GTPBP10: variants seen among roughly 807,000 people sequenced by gnomAD.
The protein encoded by GTPBP10 is GTP binding protein 10, also known as GTP-binding protein 10.
Under a neutral mutation model 44.8 loss-of-function variants are expected in GTPBP10, and 38 were observed. That is an observed-to-expected ratio of 0.85 (90% CI 0.65 to 1.11). The LOEUF (loss-of-function observed/expected upper bound fraction) is 1.11, where lower values mean the gene tolerates loss of function less well. GTPBP10 is among the 50% of genes most tolerant of loss of function. The pLI, the probability that GTPBP10 is intolerant of heterozygous loss-of-function variation, is 0.00. For missense variants in GTPBP10, 462 were observed against 453.7 expected, an observed-to-expected ratio of 1.02 and a Z score of -0.17; for synonymous variants, 152 against 150.6, an observed-to-expected ratio of 1.01 and a Z score of -0.07.
intron 8 of GTPBP10, 111 bp downstream of exon 8, chr7:90,378,322 T>A: frequency 7.7e-7 from 1 of 1,296,384 alleles, no homozygotes; most frequent in Non-Finnish European, 1.0e-6. Flanking sequence ...AAAGCTTTGA[T>A]GTCAGTTAAA....
rs778593404 is a variant in GTPBP10 at position 90,354,410 on chromosome 7, A to G, written c.228-48A>G. ...ATTTTGTGTGTATGTGTGTGTGTGT[A>G]TATATACACACACACATACATACAT... On this transcript the variant is annotated intron_variant, in intron 2 of 9. Coordinates refer to ENST00000222511, the MANE Select transcript of GTPBP10 (RefSeq NM_033107.4). 3.2e-5 allele frequency: 27 copies of G among 857,028 alleles called. 1 individual carries two copies. The highest frequency in any genetic ancestry group is 3.0e-4 in the Admixed American group (11 of 36,408). The allele number at this position is 857,028 out of a possible 1,614,324, so 53.1% of individuals were successfully genotyped here.
At chr7:90,380,454 A>G (rs1796417897) in intron 8 of GTPBP10, among the ~76,000 whole-genome samples, 2 of 152,106 alleles carry the variant, frequency 1.3e-5, no homozygotes, top group African/African-American at 4.8e-5. Context: ...TCACTTTTTC[A>G]GTGTATTTTT....
intron 3 of GTPBP10, 34 bp from the exon 4 acceptor site, chr7:90,355,052 C>A (rs761716582): frequency 1.4e-6 from 2 of 1,383,316 alleles, no homozygotes; most frequent in Non-Finnish European, 2.0e-6. Flanking sequence ...ACTTATTAAT[C>A]TTTGCTGTAA....
chr7:90,382,265 TCTTTC>T (rs1796446491), intron 8 of GTPBP10, among the ~76,000 whole-genome samples: 1 of 152,186 alleles, frequency 6.6e-6, no homozygotes. Context: ...TTCATTCTTT[TCTTTC>T]CTTTTTTAAA....
chr7:90,354,140 A>G (rs42661), intron 2 of GTPBP10, among the ~76,000 whole-genome samples: 121,820 of 152,014 alleles, frequency 0.8, 48,948 homozygotes, highest in East Asian at 0.89. Context: ...GGCTTTTTCT[A>G]CCCTATTTGT....
At chr7:90,353,970 G>T (rs753512939) in intron 2 of GTPBP10, among the ~76,000 whole-genome samples, 2 of 152,010 alleles carry the variant, frequency 1.3e-5, no homozygotes, top group African/African-American at 2.4e-5. Context: ...GAGACTACGG[G>T]TATGTGCCAC....
intron 4 of GTPBP10, among the ~76,000 whole-genome samples, chr7:90,362,311 C>A (rs1023204999): frequency 6.6e-6 from 1 of 151,866 alleles, no homozygotes; most frequent in African/African-American, 2.4e-5. Flanking sequence ...GAAATGTGTC[C>A]CTGAGATACT....
chr7:90,365,553 T>A (rs557777887), intron 4 of GTPBP10, among the ~76,000 whole-genome samples: 1 of 151,416 alleles, frequency 6.6e-6, no homozygotes, highest in South Asian at 2.1e-4. Flanking sequence ...TTTTTTTGTA[T>A]TTTTAGTAGA....
intron 4 of GTPBP10, among the ~76,000 whole-genome samples, chr7:90,363,713 A>C (rs1230790061): frequency 6.6e-6 from 1 of 152,180 alleles, no homozygotes; most frequent in Non-Finnish European, 1.5e-5. Flanking sequence ...TCTCCTGGAT[A>C]ATATCCTGCA....
At chr7:90,377,863 C>A in intron 7 of GTPBP10, 1 of 305,726 alleles carries the variant, frequency 3.3e-6, no homozygotes, top group Non-Finnish European at 4.8e-6. Flanking sequence ...CTCTTTCATT[C>A]TTCACTGATG....
intron 1 of GTPBP10, among the ~76,000 whole-genome samples, chr7:90,351,626 G>C (rs954174434): frequency 4.6e-5 from 7 of 152,050 alleles, no homozygotes; most frequent in South Asian, 4.1e-4. Context: ...GTATATAAGT[G>C]GACACACGCA....
chr7:90,356,659 T>G (rs1795906934), intron 4 of GTPBP10, among the ~76,000 whole-genome samples: 1 of 152,210 alleles, frequency 6.6e-6, no homozygotes, highest in African/African-American at 2.4e-5. Flanking sequence ...TCTCTCATTC[T>G]TCCTTCACTA....
chr7:90,376,038 A>G (rs1195186480), intron 6 of GTPBP10, among the ~76,000 whole-genome samples: 1 of 151,460 alleles, frequency 6.6e-6, no homozygotes, highest in Non-Finnish European at 1.5e-5. Flanking sequence ...CATCCTGGCT[A>G]ACATGGTGAA....
chr7:90,347,306 C>T (rs1403186519), intron 1 of GTPBP10, among the ~76,000 whole-genome samples: 1 of 152,068 alleles, frequency 6.6e-6, no homozygotes, highest in African/African-American at 2.4e-5. Context: ...ATCAGTAATG[C>T]TTTTTGAAAC....
chr7:90,351,899 T>C (rs1332057500), intron 1 of GTPBP10, among the ~76,000 whole-genome samples: 1 of 152,208 alleles, frequency 6.6e-6, no homozygotes, highest in Non-Finnish European at 1.5e-5. Context: ...GGTTTCTCCA[T>C]GTTAGCCAGG....
chr7:90,359,552 T>C (rs925079429), intron 4 of GTPBP10, among the ~76,000 whole-genome samples: 1 of 152,240 alleles, frequency 6.6e-6, no homozygotes, highest in Non-Finnish European at 1.5e-5. Context: ...TGATGGACAT[T>C]TGGGTTGGTT....
At chr7:90,350,147 C>A (rs970574220) in intron 1 of GTPBP10, among the ~76,000 whole-genome samples, 1 of 152,092 alleles carries the variant, frequency 6.6e-6, no homozygotes, top group East Asian at 1.9e-4. Context: ...TCAGTTCCCA[C>A]CTATGAGTGA....
At chr7:90,362,721 T>C (rs556998772) in intron 4 of GTPBP10, among the ~76,000 whole-genome samples, 1 of 152,352 alleles carries the variant, frequency 6.6e-6, no homozygotes, top group South Asian at 2.1e-4. Context: ...CTGTCTAATG[T>C]TGACAGTGGG....
At chr7:90,357,080 TG>T (rs1449760315) in intron 4 of GTPBP10, among the ~76,000 whole-genome samples, 9 of 152,198 alleles carry the variant, frequency 5.9e-5, no homozygotes, top group Admixed American at 4.6e-4. Context: ...GTTTTGGAAA[TG>T]GACTGAATCA....
Sources: allele counts gnomAD v4.1 joint callset (sites outside exome capture counted in the v4.1 genomes callset), GRCh38; gene constraint gnomAD v4.1.1; transcripts MANE v1.5; gene names NCBI Gene and HGNC (gene_info 2026-07-23, HGNC 2026-07-21).